Variants in PRKDC observed in about 807,000 individuals in gnomAD.
The protein encoded by PRKDC is protein kinase, DNA-activated, catalytic subunit.
Under a neutral mutation model 486.9 loss-of-function variants are expected in PRKDC, and 82 were observed. That is an observed-to-expected ratio of 0.17 (90% CI 0.14 to 0.20). PRKDC has a LOEUF of 0.20. Ranked by LOEUF, PRKDC falls within the 10% of genes least tolerant of loss-of-function variation. PRKDC has a pLI of 1.00. For missense variants in PRKDC, 4,504 were observed against 5,038.2 expected, an observed-to-expected ratio of 0.89 and a Z score of 3.21; for synonymous variants, 1,895 against 1,837.0, an observed-to-expected ratio of 1.03 and a Z score of -0.81.
Position 47,941,899 on chromosome 8 carries a change from G to A in PRKDC, c.966+1310C>T, listed in dbSNP as rs553604960. ...GTTTTCATTAAGAATTGGAGTGGGG[G>A]ACTGAAAAGTCTCTGGCAAGGATGT... is the stretch of plus-strand genomic sequence containing the variant. On this transcript the variant is annotated intron_variant, in intron 10 of 85. Transcript: ENST00000314191. Among the ~76,000 whole-genome samples the A allele has an allele frequency of 1.4e-4, 21 of 152,328 alleles. No homozygotes were observed. In the South Asian group the frequency reaches 4.4e-3, roughly 32 times the overall value.
At chr8:47,932,989 T>C in intron 16 of PRKDC, 31 bp downstream of exon 16, 1 of 1,540,412 alleles carries the variant, frequency 6.5e-7, no homozygotes, top group Non-Finnish European at 8.8e-7. Context: ...ACAAAAATGA[T>C]GAAAAATTAC....
intron 27 of PRKDC, among the ~76,000 whole-genome samples, chr8:47,901,360 C>A (rs2154502295): frequency 6.6e-6 from 1 of 151,548 alleles, no homozygotes; most frequent in South Asian, 2.1e-4. Flanking sequence ...TGTAATCCCA[C>A]CTACTTGGAA....
At chr8:47,857,057 T>G (rs1052004311) in intron 49 of PRKDC, 99 bp downstream of exon 49, 1 of 1,299,504 alleles carries the variant, frequency 7.7e-7, no homozygotes, top group African/African-American at 1.5e-5. Flanking sequence ...CTGAAAACCA[T>G]AGCACAGTCA....
chr8:47,924,509 A>G (rs1054775341), intron 21 of PRKDC, among the ~76,000 whole-genome samples: 1 of 152,098 alleles, frequency 6.6e-6, no homozygotes, highest in South Asian at 2.1e-4. Context: ...TCAGTGAGCC[A>G]AGATTGCACC....
intron 64 of PRKDC, among the ~76,000 whole-genome samples, chr8:47,822,076 A>G (rs2087611393): frequency 6.6e-6 from 1 of 152,204 alleles, no homozygotes; most frequent in Admixed American, 6.5e-5. Flanking sequence ...TGAGCCCAGG[A>G]GTTTGAGACT....
intron 74 of PRKDC, among the ~76,000 whole-genome samples, chr8:47,790,871 G>T (rs2086871136): frequency 6.6e-6 from 1 of 152,124 alleles, no homozygotes; most frequent in African/African-American, 2.4e-5. Flanking sequence ...GCAGAATAAT[G>T]AAACTAGACC....
At chr8:47,811,611 G>A (rs528649397) in intron 68 of PRKDC, among the ~76,000 whole-genome samples, 5 of 152,238 alleles carry the variant, frequency 3.3e-5, no homozygotes, top group African/African-American at 7.2e-5. Context: ...TTCATTATAT[G>A]TTACTTCACA....
At position 47,938,284 on chromosome 8, in the gene PRKDC, T is replaced by G. The variant is rs146817027; in HGVS notation, c.1113+1267A>C. Among the ~76,000 whole-genome samples, 476 of 151,330 alleles carry G rather than the reference T, an allele frequency of 3.1e-3. 2 individuals are homozygous for G. Among genetic ancestry groups the G allele is most frequent in the African/African-American group, 0.011 (458 of 41,262 alleles). On this transcript the variant is annotated intron_variant, in intron 11 of 85. Transcript: ENST00000314191. ...AAAAATACCCAGGTGTGGTGGAGCATGCCTGTAATCCCAGCACTTGGGAGG... is the reference window on the plus strand; with the variant it reads ...AAAAATACCCAGGTGTGGTGGAGCAGGCCTGTAATCCCAGCACTTGGGAGG...
At chr8:47,957,882 C>G (rs547790725) in intron 1 of PRKDC, among the ~76,000 whole-genome samples, 4 of 152,178 alleles carry the variant, frequency 2.6e-5, no homozygotes, top group Non-Finnish European at 5.9e-5. Flanking sequence ...TGTATTAAAA[C>G]AAAGCAGAAA....
chr8:47,830,032 A>G (rs560566480), intron 61 of PRKDC, among the ~76,000 whole-genome samples: 39 of 152,346 alleles, frequency 2.6e-4, no homozygotes, highest in South Asian at 6.2e-4. Context: ...AAACAATACT[A>G]TAAGGCTGCA....
chr8:47,794,417 G>C lies in PRKDC; in HGVS notation c.10543C>G (p.Gln3515Glu). The C allele has an allele frequency of 6.2e-7, 1 of 1,613,730 alleles. No homozygotes were observed. The highest frequency in any genetic ancestry group is 8.5e-7 in the Non-Finnish European group (1 of 1,179,626). The change falls in exon 74 of 86, where the codon CAG becomes GAG. Residue 3515 changes from glutamine to glutamate, a missense_variant. Around this residue, in one of 6 missense-constraint regions of PRKDC, gnomAD observed 706 missense variants for 945.0 expected, o/e 0.75. Transcript: ENST00000314191. ...TCAGTGATTTCTTCCACAGAGTGCTGAACAGCAACGGCTTGGTCTTTGTCC... is the reference window on the plus strand; with the variant it reads ...TCAGTGATTTCTTCCACAGAGTGCTCAACAGCAACGGCTTGGTCTTTGTCC... ...LLDKDQAVAV[Q>E]HSVEEITDNY...
At chr8:47,864,439 G>T (rs1429549709) in intron 41 of PRKDC, 117 bp downstream of exon 41, 3 of 912,388 alleles carry the variant, frequency 3.3e-6, no homozygotes, top group Non-Finnish European at 4.9e-6. Context: ...GCCACAGACT[G>T]TTATGTGGCA....
intron 30 of PRKDC, among the ~76,000 whole-genome samples, chr8:47,894,802 G>C (rs1027934123): frequency 2.0e-5 from 3 of 152,186 alleles, no homozygotes; most frequent in Non-Finnish European, 2.9e-5. Context: ...AGATGCAATG[G>C]CTTGTACCTG....
At chr8:47,893,476 A>G in intron 30 of PRKDC, 89 bp from the exon 31 acceptor site, 1 of 1,308,930 alleles carries the variant, frequency 7.6e-7, no homozygotes, top group Admixed American at 3.4e-5. Flanking sequence ...ATGTTATGGG[A>G]CAATCTTTTT....
At chr8:47,807,908 G>A (rs2087249996) in intron 68 of PRKDC, among the ~76,000 whole-genome samples, 1 of 152,034 alleles carries the variant, frequency 6.6e-6, no homozygotes, top group South Asian at 2.1e-4. Context: ...TAGAGACGGG[G>A]TTTCACCATG....
At chr8:47,869,752 G>A (rs1318959106) in intron 40 of PRKDC, among the ~76,000 whole-genome samples, 5 of 152,090 alleles carry the variant, frequency 3.3e-5, no homozygotes, top group African/African-American at 4.8e-5. Context: ...CCAGTTCTAG[G>A]CCTTGGCTCT....
chr8:47,795,673 T>C (rs900466041), intron 73 of PRKDC, among the ~76,000 whole-genome samples: 11 of 151,760 alleles, frequency 7.2e-5, no homozygotes, highest in African/African-American at 2.4e-4. Flanking sequence ...TTTGTACTTT[T>C]AGTAGAGACA....
chr8:47,786,776 C>CTAGA (rs2086799047), intron 76 of PRKDC, among the ~76,000 whole-genome samples: 1 of 113,608 alleles, frequency 8.8e-6, no homozygotes, highest in African/African-American at 3.4e-5. Flanking sequence ...GTCACCCAGG[C>CTAGA]TAGAGTGCGG....
chr8:47,833,401 T>C (rs2087935030), intron 59 of PRKDC, among the ~76,000 whole-genome samples: 1 of 152,112 alleles, frequency 6.6e-6, no homozygotes, highest in South Asian at 2.1e-4. Flanking sequence ...GCACATGTCC[T>C]TCCTCTGGGC....
Sources: allele counts gnomAD v4.1 joint callset (sites outside exome capture counted in the v4.1 genomes callset), GRCh38; gene constraint gnomAD v4.1.1; regional missense constraint gnomAD v4.1.1; transcripts MANE v1.5; gene names NCBI Gene and HGNC (gene_info 2026-07-23, HGNC 2026-07-21).